Variants in VPS50 observed in about 807,000 individuals in gnomAD.
VPS50 encodes the protein syndetin.
In VPS50, 70 loss-of-function variants were observed where a neutral mutation model predicts 139.7. The ratio of observed to expected loss-of-function variants is 0.50; its 90% CI spans 0.41 to 0.61. The LOEUF (loss-of-function observed/expected upper bound fraction) is 0.61, where lower values mean the gene tolerates loss of function less well. VPS50 is among the 20% of genes least tolerant of loss of function. The pLI is 0.00. For synonymous variants in VPS50, 365 were observed against 376.7 expected (o/e 0.97, Z 0.36); for missense variants, 921 against 1,133.7 (o/e 0.81, Z 2.69).
At chr7:93,286,174 AT>A (rs1312753636) in intron 12 of VPS50, among the ~76,000 whole-genome samples, 25 of 152,252 alleles carry the variant, frequency 1.6e-4, no homozygotes, top group Non-Finnish European at 3.7e-4. Context: ...TGGTAATTAA[AT>A]TTCGATTTCT....
intron 20 of VPS50, among the ~76,000 whole-genome samples, chr7:93,317,560 TAAAC>T (rs1249747474): frequency 3.3e-5 from 5 of 152,024 alleles, no homozygotes; most frequent in African/African-American, 7.2e-5. Context: ...CTGTCTCAAA[TAAAC>T]AAACAAACAA....
chr7:93,332,046 A>G (rs779052431), intron 21 of VPS50, among the ~76,000 whole-genome samples: 3 of 152,232 alleles, frequency 2.0e-5, no homozygotes, highest in Non-Finnish European at 4.4e-5. Flanking sequence ...TAGAATGGCT[A>G]GTTAAAAGGC....
chr7:93,295,064 T>C (rs1562873363), intron 14 of VPS50, among the ~76,000 whole-genome samples: 1 of 152,230 alleles, frequency 6.6e-6, no homozygotes, highest in Non-Finnish European at 1.5e-5. Flanking sequence ...TAATTCTTTT[T>C]TTCTCAGTCA....
chr7:93,262,835 C>G (rs968423695), intron 9 of VPS50, among the ~76,000 whole-genome samples: 4 of 152,154 alleles, frequency 2.6e-5, no homozygotes, highest in Non-Finnish European at 5.9e-5. Flanking sequence ...TTCCCTCTTT[C>G]ACTTCACCTG....
Position 93,294,633 on chromosome 7 carries a change from G to A in VPS50, c.1164G>A (p.Trp388Ter). 6.3e-7 allele frequency: 1 copy of A among 1,575,028 alleles called. No homozygotes were observed. Among genetic ancestry groups the A allele is most frequent in the Non-Finnish European group, 8.6e-7 (1 of 1,166,446 alleles). ...KKLEHGLTRI[W>*]QDVQLKVKTY... ...TAGAACATGGACTTACACGAATATG[G>A]CAGGTTTGGTTTTTTTAAAATTATT... is the stretch of plus-strand genomic sequence containing the variant. The change falls in exon 14 of 28, where the codon TGG (tryptophan) becomes TGA (stop). Residue 388 changes from tryptophan to a stop codon, truncating the protein, a stop_gained. Coordinates refer to ENST00000305866, the MANE Select transcript of VPS50 (RefSeq NM_017667.4). LOFTEE classifies it high-confidence loss of function.
intron 2 of VPS50, chr7:93,246,087 T>C (rs1365056130): frequency 2.0e-6 from 3 of 1,514,422 alleles, no homozygotes; most frequent in Admixed American, 4.0e-5. Flanking sequence ...CGCTTCTTTT[T>C]TTTTTTGCTT....
chr7:93,240,261 TCTCTCTCTC>T (rs1794947824), intron 2 of VPS50, among the ~76,000 whole-genome samples: 2 of 146,712 alleles, frequency 1.4e-5, no homozygotes, highest in African/African-American at 5.2e-5. Context: ...TCTCTCTCTC[TCTCTCTCTC>T]ATTGATTTAT....
At chr7:93,308,531 G>T (rs925226874) in intron 18 of VPS50, among the ~76,000 whole-genome samples, 3 of 151,778 alleles carry the variant, frequency 2.0e-5, no homozygotes, top group African/African-American at 7.3e-5. Flanking sequence ...AAATGCGAAT[G>T]TATACTCTTT....
At chr7:93,248,576 A>G (rs1190132103) in intron 2 of VPS50, among the ~76,000 whole-genome samples, 2 of 152,086 alleles carry the variant, frequency 1.3e-5, no homozygotes, top group African/African-American at 4.8e-5. Flanking sequence ...TTGAAACAAG[A>G]GCATATTGTC....
At chr7:93,299,106 T>C (rs1432674569) in intron 16 of VPS50, among the ~76,000 whole-genome samples, 1 of 152,220 alleles carries the variant, frequency 6.6e-6, no homozygotes, top group Non-Finnish European at 1.5e-5. Context: ...TTCCCTAGTA[T>C]TTAAACAAAA....
intron 2 of VPS50, among the ~76,000 whole-genome samples, chr7:93,244,852 CT>C (rs762075413): frequency 5.3e-5 from 8 of 151,836 alleles, no homozygotes; most frequent in Non-Finnish European, 1.2e-4. Flanking sequence ...GTGCTCATGG[CT>C]AACAGTATTT....
chr7:93,356,737 T>C (rs1358112918), intron 27 of VPS50, among the ~76,000 whole-genome samples: 6 of 152,222 alleles, frequency 3.9e-5, no homozygotes, highest in Non-Finnish European at 8.8e-5. Flanking sequence ...GTATATGGCA[T>C]GTGTTAAAAT....
In VPS50 at chr7:93,252,636, A is replaced by ATTTT; in HGVS notation, c.103-11_103-8dup. 6.5e-7 allele frequency: 1 copy of ATTTT among 1,535,924 alleles called. No individual in the cohort carries two copies. Among genetic ancestry groups the ATTTT allele is most frequent in the Non-Finnish European group, 8.9e-7 (1 of 1,121,420 alleles). On this transcript the variant is annotated splice_polypyrimidine_tract_variant and intron_variant, in intron 2 of 27. Coordinates refer to ENST00000305866, the MANE Select transcript of VPS50 (RefSeq NM_017667.4). ...AACAGCTACAATTACTATAATTGTG[A>ATTTT]TTTTTTTTTCTTAAAGGAAGAATTC...
At chr7:93,271,146 CAGTT>C in intron 9 of VPS50, 70 bp from the exon 10 acceptor site, 1 of 1,513,178 alleles carries the variant, frequency 6.6e-7, no homozygotes, top group Non-Finnish European at 8.8e-7. Flanking sequence ...ATTAATTATT[CAGTT>C]AGTATGTATT....
rs764214788 is a variant in VPS50, at chr7:93,323,592, T to A, written c.1856-19T>A. ...TTTAATTTTGTTCTGCTTAATTTTT[T>A]ATTCTTTTTTCTTTTCAGGAAAATA... On this transcript the variant is annotated intron_variant, in intron 20 of 27. Coordinates refer to ENST00000305866, the MANE Select transcript of VPS50 (RefSeq NM_017667.4). 8 of 1,134,722 alleles carry A rather than the reference T, an allele frequency of 7.1e-6. No homozygotes were observed. Among genetic ancestry groups the A allele is most frequent in the Non-Finnish European group, 8.3e-6 (7 of 841,548 alleles). 70.3% of individuals were successfully genotyped at this position (1,134,722 alleles called of 1,614,324 possible).
At chr7:93,346,358 A>C (rs1287490536) in intron 23 of VPS50, among the ~76,000 whole-genome samples, 4 of 152,252 alleles carry the variant, frequency 2.6e-5, no homozygotes, top group Non-Finnish European at 5.9e-5. Flanking sequence ...TTCCATGCTC[A>C]TGGGTAGGAA....
chr7:93,296,616 A>T, intron 14 of VPS50, 126 bp from the exon 15 acceptor site: 1 of 1,460,070 alleles, frequency 6.8e-7, no homozygotes, highest in Non-Finnish European at 9.0e-7. Flanking sequence ...GCCTAAATAG[A>T]TATTCGTTAA....
At chr7:93,291,311 C>T (rs1796641617) in intron 12 of VPS50, among the ~76,000 whole-genome samples, 1 of 152,036 alleles carries the variant, frequency 6.6e-6, no homozygotes, top group South Asian at 2.1e-4. Flanking sequence ...TAAATCCAAC[C>T]TTCTTTTTGC....
At chr7:93,331,427 A>G (rs1190328970) in intron 21 of VPS50, among the ~76,000 whole-genome samples, 2 of 152,152 alleles carry the variant, frequency 1.3e-5, no homozygotes, top group African/African-American at 4.8e-5. Flanking sequence ...AGTGCAACAG[A>G]AATAGACACA....
Sources: allele counts gnomAD v4.1 joint callset (sites outside exome capture counted in the v4.1 genomes callset), GRCh38; gene constraint gnomAD v4.1.1; transcripts MANE v1.5; gene names NCBI Gene and HGNC (gene_info 2026-07-23, HGNC 2026-07-21).